The following PAX5 variants were observed in gnomAD, a reference collection of about 807,000 sequenced individuals.
PAX5 encodes paired box 5, also known as paired box protein Pax-5.
In PAX5, 9 loss-of-function variants were observed where a neutral mutation model predicts 43.7. That is an observed-to-expected ratio of 0.21 (90% CI 0.12 to 0.36). The LOEUF (loss-of-function observed/expected upper bound fraction) is 0.36. PAX5 is among the 10% of genes least tolerant of loss of function. PAX5 has a pLI of 1.00. For synonymous variants in PAX5, 228 were observed against 214.3 expected (o/e 1.06, Z -0.56); for missense variants, 383 against 532.7 (o/e 0.72, Z 2.77).
intron 3 of PAX5, among the ~76,000 whole-genome samples, chr9:37,010,451 G>T (rs1010194): frequency 0.01 from 1,586 of 152,268 alleles, 32 homozygotes; most frequent in African/African-American, 0.035. Flanking sequence ...AGGAAGCGCG[G>T]TCCCTCTGCT....
intron 7 of PAX5, among the ~76,000 whole-genome samples, chr9:36,900,233 C>T (rs934369836): frequency 2.4e-4 from 37 of 152,214 alleles, no homozygotes; most frequent in African/African-American, 8.7e-4. Context: ...CAAGTAGACA[C>T]GTGCGTGTGA....
chr9:36,930,058 G>A (rs902413273), intron 6 of PAX5, among the ~76,000 whole-genome samples: 1 of 151,340 alleles, frequency 6.6e-6, no homozygotes, highest in African/African-American at 2.4e-5. Context: ...TCAAGGTCAA[G>A]ACCACCAGCT....
intron 6 of PAX5, among the ~76,000 whole-genome samples, chr9:36,941,862 T>C (rs1167186939): frequency 2.6e-5 from 4 of 152,184 alleles, no homozygotes; most frequent in African/African-American, 9.7e-5. Flanking sequence ...CCAGGCTCAC[T>C]GGATGATGCA....
At chr9:36,951,341 A>C (rs1186417616) in intron 6 of PAX5, among the ~76,000 whole-genome samples, 1 of 152,168 alleles carries the variant, frequency 6.6e-6, no homozygotes, top group Non-Finnish European at 1.5e-5. Flanking sequence ...CCAAAATATC[A>C]TGGGATTTGT....
intron 5 of PAX5, among the ~76,000 whole-genome samples, chr9:36,969,712 C>A (rs7859092): frequency 0.13 from 20,248 of 152,222 alleles, 1,500 homozygotes; most frequent in African/African-American, 0.18. Flanking sequence ...TGCCAGGCGC[C>A]GTGGCTCATG....
intron 1 of PAX5, among the ~76,000 whole-genome samples, chr9:37,033,777 G>A (rs1841248225): frequency 6.6e-6 from 1 of 152,230 alleles, no homozygotes; most frequent in Admixed American, 6.5e-5. Context: ...TTCAGAAACA[G>A]AGAAAAACAC....
intron 8 of PAX5, among the ~76,000 whole-genome samples, chr9:36,867,238 G>A (rs1325082042): frequency 6.6e-6 from 1 of 152,136 alleles, no homozygotes; most frequent in Non-Finnish European, 1.5e-5. Context: ...AAAGTTGTAG[G>A]GGCTATGGGA....
intron 7 of PAX5, among the ~76,000 whole-genome samples, chr9:36,918,832 G>A (rs1485445910): frequency 1.3e-5 from 2 of 152,226 alleles, no homozygotes; most frequent in Non-Finnish European, 2.9e-5. Context: ...TTTATGGAAA[G>A]AAGCCATCTC....
At chr9:36,842,232 G>A (rs1822127825) in intron 9 of PAX5, among the ~76,000 whole-genome samples, 2 of 152,216 alleles carry the variant, frequency 1.3e-5, no homozygotes, top group African/African-American at 2.4e-5. Context: ...TCTTCTGAGG[G>A]ATGGGGACAG....
chr9:36,927,059 A>G (rs1194524557), intron 6 of PAX5, among the ~76,000 whole-genome samples: 1 of 152,222 alleles, frequency 6.6e-6, no homozygotes, highest in Non-Finnish European at 1.5e-5. Context: ...AACAGGGCAC[A>G]TGCAATAGTT....
At chr9:36,986,040 C>T (rs1461119705) in intron 5 of PAX5, among the ~76,000 whole-genome samples, 2 of 152,026 alleles carry the variant, frequency 1.3e-5, no homozygotes, top group East Asian at 1.9e-4. Context: ...CCCTCCAGGC[C>T]GGGTCCCGAC....
intron 8 of PAX5, among the ~76,000 whole-genome samples, chr9:36,855,399 T>G (rs1051463875): frequency 9.9e-5 from 15 of 152,232 alleles, no homozygotes; most frequent in African/African-American, 3.6e-4. Flanking sequence ...ATGGCACATT[T>G]TGAACAACAC....
Position 36,882,019 on chromosome 9 carries a change from T to G in PAX5, c.997A>C (p.Thr333Pro). ...GQGSYSAPTLTGMVPGSEFSG... is the reference protein window; with the variant it reads ...GQGSYSAPTLPGMVPGSEFSG... ...GCAAACTCACCAGGCACCATCCCTG[T>G]CAGCGTCGGTGCTGAGTAGCTGCCC... Residue 333 changes from threonine (T) to proline (P), a missense_variant, in exon 8 of 10, where the codon ACA (threonine) becomes CCA (proline). This residue lies in a region of PAX5 where 291 missense variants were observed against 342.5 expected (regional missense o/e 0.85). Transcript: ENST00000358127. This position sits in a 1 kb window ranked among gnomAD's most constrained non-coding sequence, Gnocchi z 4.4. 1 of 1,612,168 alleles carries G rather than the reference T, an allele frequency of 6.2e-7. No individual in the cohort carries two copies. The highest frequency in any genetic ancestry group is 1.3e-5 in the African/African-American group (1 of 74,976).
At chr9:36,966,863 G>T (rs951320715) in intron 5 of PAX5, 139 bp from the exon 6 acceptor site, 4 of 716,910 alleles carry the variant, frequency 5.6e-6, no homozygotes, top group Non-Finnish European at 6.9e-6. Flanking sequence ...AGGGGCTCAG[G>T]TAAGGCACTG....
intron 6 of PAX5, among the ~76,000 whole-genome samples, chr9:36,940,325 C>T (rs928511130): frequency 2.0e-5 from 3 of 152,292 alleles, no homozygotes; most frequent in Middle Eastern, 3.4e-3. Flanking sequence ...TACATAATGG[C>T]ATTTCTATCG....
In PAX5 at chr9:36,834,567, T is replaced by C; in HGVS notation, c.*5993A>G. 1 of 233,260 alleles carries C rather than the reference T, an allele frequency of 4.3e-6. No individual in the cohort carries two copies. The highest frequency in any genetic ancestry group is 6.0e-5 in the East Asian group (1 of 16,592). 14.4% of individuals were successfully genotyped at this position (233,260 alleles called of 1,614,324 possible). On this transcript the variant is annotated 3_prime_UTR_variant, in exon 10 of 10. Transcript: ENST00000358127. ...TATTTTCTTTTTAGCTTTATAGCAA[T>C]TAATTGGCTATTGATTGGTTGGAAT...
intron 1 of PAX5, among the ~76,000 whole-genome samples, chr9:37,031,862 T>G (rs1841018232): frequency 6.6e-6 from 1 of 152,116 alleles, no homozygotes; most frequent in South Asian, 2.1e-4. Flanking sequence ...TGGAATATGG[T>G]TCTGAAGGAA....
At chr9:36,976,852 C>T (rs753649948) in intron 5 of PAX5, among the ~76,000 whole-genome samples, 2 of 152,152 alleles carry the variant, frequency 1.3e-5, no homozygotes, top group Admixed American at 6.5e-5. Flanking sequence ...GGATGGCAAA[C>T]GGGAGGCCAG....
intron 7 of PAX5, among the ~76,000 whole-genome samples, chr9:36,911,872 C>A (rs896365215): frequency 2.0e-5 from 3 of 152,240 alleles, no homozygotes; most frequent in African/African-American, 7.2e-5. Flanking sequence ...GCAGCCGAAA[C>A]CAGCCTGGGC....
Sources: gnomAD v4.1 joint callset for allele counts (sites outside exome capture counted in the v4.1 genomes callset) on GRCh38, gnomAD v4.1.1 for gene constraint, gnomAD v4.1.1 regional missense constraint, Gnocchi (gnomAD v3.1) non-coding constraint, MANE v1.5 for transcripts, NCBI Gene and HGNC (gene_info 2026-07-23, HGNC 2026-07-21) for gene names.